SORCS2: variants seen among roughly 807,000 people sequenced by gnomAD.
SORCS2 encodes the protein VPS10 domain-containing receptor SorCS2.
A neutral mutation model predicts 141.6 loss-of-function variants in SORCS2; 100 were observed. That is an observed-to-expected ratio of 0.71 (90% CI 0.60 to 0.83). The LOEUF is 0.83. Ranked by LOEUF, SORCS2 falls within the 40% of genes least tolerant of loss-of-function variation. The probability of loss-of-function intolerance (pLI) is 0.00; values close to 1 mark genes in which losing one functional copy is unlikely to be tolerated. For synonymous variants in SORCS2, 789 were observed against 676.9 expected, an observed-to-expected ratio of 1.17 and a Z score of -2.57; for missense variants, 1,646 against 1,560.2, an observed-to-expected ratio of 1.05 and a Z score of -0.93.
chr4:7,426,759 C>T (rs1726470500), intron 2 of SORCS2, among the ~76,000 whole-genome samples: 1 of 152,142 alleles, frequency 6.6e-6, no homozygotes, highest in Admixed American at 6.5e-5. Flanking sequence ...GTGGGCTGGT[C>T]AGTGGCTTGC....
chr4:7,455,045 G>T (rs1220497325), intron 2 of SORCS2, among the ~76,000 whole-genome samples: 1 of 82,080 alleles, frequency 1.2e-5, no homozygotes, highest in African/African-American at 4.0e-5. Flanking sequence ...GGTGCTGTGT[G>T]TTGGGGTCAG....
At chr4:7,341,516 G>A (rs1480300882) in intron 1 of SORCS2, among the ~76,000 whole-genome samples, 1 of 152,202 alleles carries the variant, frequency 6.6e-6, no homozygotes, top group Non-Finnish European at 1.5e-5. Context: ...CAGGCTGTAA[G>A]AGGCCTGGCA....
At chr4:7,728,817 C>T (rs1727403191) in intron 22 of SORCS2, among the ~76,000 whole-genome samples, 1 of 152,224 alleles carries the variant, frequency 6.6e-6, no homozygotes, top group African/African-American at 2.4e-5. Context: ...AACTTCTCTT[C>T]TGGGCTGGAC....
At chr4:7,308,945 G>A (rs1036340866) in intron 1 of SORCS2, among the ~76,000 whole-genome samples, 1 of 152,112 alleles carries the variant, frequency 6.6e-6, no homozygotes, top group Non-Finnish European at 1.5e-5. Context: ...CTGCTCTCTG[G>A]CCCTCTCCTA....
At chr4:7,610,065 G>A (rs138916716) in intron 3 of SORCS2, among the ~76,000 whole-genome samples, 17 of 152,286 alleles carry the variant, frequency 1.1e-4, no homozygotes, top group South Asian at 4.1e-4. Context: ...TCCCCAGACC[G>A]TCACCTTGGG....
intron 10 of SORCS2, among the ~76,000 whole-genome samples, chr4:7,684,757 C>T (rs1394828062): frequency 6.6e-6 from 1 of 152,186 alleles, no homozygotes; most frequent in Non-Finnish European, 1.5e-5. Flanking sequence ...AAGACAATTC[C>T]CTGTCTTCCT....
At chr4:7,640,887 G>C (rs1051066661) in intron 4 of SORCS2, among the ~76,000 whole-genome samples, 3 of 152,250 alleles carry the variant, frequency 2.0e-5, no homozygotes, top group African/African-American at 7.2e-5. Context: ...CCAATGCACT[G>C]AGGCTTCCCA....
intron 1 of SORCS2, among the ~76,000 whole-genome samples, chr4:7,386,210 C>T (rs1455661276): frequency 1.9e-5 from 2 of 102,730 alleles, no homozygotes; most frequent in Admixed American, 9.3e-5. Context: ...CATTTGCACA[C>T]ACGCACACAC....
intron 3 of SORCS2, among the ~76,000 whole-genome samples, chr4:7,552,303 GGAAGA>G (rs1713771836): frequency 6.6e-6 from 1 of 152,138 alleles, no homozygotes; most frequent in South Asian, 2.1e-4. Flanking sequence ...GGTCATGGCT[GGAAGA>G]GAAAGAATCC....
chr4:7,391,044 TG>T (rs1723826815), intron 1 of SORCS2, among the ~76,000 whole-genome samples: 1 of 152,156 alleles, frequency 6.6e-6, no homozygotes, highest in African/African-American at 2.4e-5. Context: ...CACAAAGACA[TG>T]GGGAGACCCT....
At position 7,367,929 on chromosome 4, in the gene SORCS2, C is replaced by A. The variant is rs533763916; in HGVS notation, c.481-28359C>A. On this transcript the variant is annotated intron_variant, in intron 1 of 26. Transcript: ENST00000507866. Reference sequence around the variant, plus strand: ...TCCTGCCACCCGGGCCAGTCCAGTGCTGTGTGTCAGCCTGGGGTTTCAGCT... The same window carrying A: ...TCCTGCCACCCGGGCCAGTCCAGTGATGTGTGTCAGCCTGGGGTTTCAGCT... 3.3e-5 allele frequency among the ~76,000 whole-genome samples: 5 copies of A among 152,330 alleles called. No homozygotes were observed. The South Asian group carries it at 1.0e-3, about 32-fold the overall frequency.
At chr4:7,650,692 C>T (rs1721379557) in intron 4 of SORCS2, among the ~76,000 whole-genome samples, 1 of 151,306 alleles carries the variant, frequency 6.6e-6, no homozygotes, top group Non-Finnish European at 1.5e-5. Flanking sequence ...ACCCGGGTCC[C>T]CGCCTCCCTC....
intron 10 of SORCS2, among the ~76,000 whole-genome samples, chr4:7,685,688 A>ATATATATATATATATATATATATATAT (rs1553904098): frequency 6.7e-6 from 1 of 149,606 alleles, no homozygotes; most frequent in African/African-American, 2.5e-5. Flanking sequence ...AAAATAAATA[A>ATATATATATATATATATATATATATAT]ATATATATAT....
At chr4:7,544,416 G>A (rs1415751472) in intron 3 of SORCS2, among the ~76,000 whole-genome samples, 2 of 152,230 alleles carry the variant, frequency 1.3e-5, no homozygotes, top group East Asian at 1.9e-4. Context: ...GCCCTGGAGA[G>A]ATGGCAGACC....
chr4:7,478,143 A>G (rs1252036494), intron 2 of SORCS2, among the ~76,000 whole-genome samples: 1 of 152,190 alleles, frequency 6.6e-6, no homozygotes, highest in Non-Finnish European at 1.5e-5. Flanking sequence ...CAGACCACCC[A>G]TAACGGGAGC....
intron 3 of SORCS2, among the ~76,000 whole-genome samples, chr4:7,537,951 A>T (rs1303535443): frequency 1.3e-5 from 2 of 152,022 alleles, no homozygotes; most frequent in Non-Finnish European, 2.9e-5. Flanking sequence ...CCACCACTAC[A>T]CTCCAGGTTG....
chr4:7,660,258 A>C (rs1269874853), intron 5 of SORCS2, among the ~76,000 whole-genome samples: 2 of 152,192 alleles, frequency 1.3e-5, no homozygotes, highest in Non-Finnish European at 1.5e-5. Context: ...GAGGGGAGTC[A>C]GACAGGGATG....
At chr4:7,717,982 G>A in intron 17 of SORCS2, 30 bp from the exon 18 acceptor site, 1 of 1,569,876 alleles carries the variant, frequency 6.4e-7, no homozygotes, top group Non-Finnish European at 8.6e-7. Flanking sequence ...CCTGTCTGAA[G>A]CGGACCCTGA....
rs556509759 is a variant in SORCS2 at position 7,572,324 on chromosome 4, A to G, written c.648+40695A>G. Among the ~76,000 whole-genome samples the G allele has an allele frequency of 1.4e-3, 216 of 152,330 alleles. 1 individual carries two copies. Among genetic ancestry groups the G allele is most frequent in the Non-Finnish European group, 2.7e-3 (183 of 68,032 alleles). ...ATATATGATATTAACATACTCTGCT[A>G]GTATAATCTTTGTAAACATACACAC... On this transcript the variant is annotated intron_variant, in intron 3 of 26. Coordinates refer to ENST00000507866, the MANE Select transcript of SORCS2 (RefSeq NM_020777.3).
Sources: gnomAD v4.1 joint callset for allele counts (sites outside exome capture counted in the v4.1 genomes callset) on GRCh38, gnomAD v4.1.1 for gene constraint, MANE v1.5 for transcripts, NCBI Gene and HGNC (gene_info 2026-07-23, HGNC 2026-07-21) for gene names.